The following CERS3 variants were observed in gnomAD, a reference collection of about 807,000 sequenced individuals.
CERS3 encodes the protein ceramide synthase 3.
A neutral mutation model predicts 50.3 loss-of-function variants in CERS3; 33 were observed. The observed-to-expected ratio is 0.66, with a 90% CI of 0.50 to 0.88. CERS3 has a LOEUF of 0.88. Ranked by LOEUF, CERS3 falls within the 40% of genes least tolerant of loss-of-function variation. CERS3 has a pLI of 0.00. For synonymous variants in CERS3, 176 were observed against 155.2 expected (o/e 1.13, Z -0.99); for missense variants, 470 against 460.3 (o/e 1.02, Z -0.19).
chr15:100,460,309 A>G (rs953273604), intron 10 of CERS3, among the ~76,000 whole-genome samples: 1 of 152,194 alleles, frequency 6.6e-6, no homozygotes, highest in African/African-American at 2.4e-5. Flanking sequence ...TTATTCAATA[A>G]ACCATTACTG....
rs954377904 is a variant in CERS3, at chr15:100,402,221, C to A, written c.*492G>T. 6.5e-6 allele frequency: 1 copy of A among 154,410 alleles called. No individual in the cohort carries two copies. Among genetic ancestry groups the A allele is most frequent in the Non-Finnish European group, 1.4e-5 (1 of 69,606 alleles). The allele number at this position is 154,410 out of a possible 1,614,324, so 9.6% of individuals were successfully genotyped here. A position where few individuals can be genotyped will look rare whatever the true frequency, so the allele number is the denominator to read the frequency against. On this transcript the variant is annotated 3_prime_UTR_variant, in exon 12 of 12. Coordinates refer to ENST00000679737, the MANE Select transcript of CERS3 (RefSeq NM_001378789.1). ...GCCACCGCCCTGTGGAGATGAGGCA[C>A]CTAAGCTTCAGGATGGAAGTGTCTC...
intron 11 of CERS3, among the ~76,000 whole-genome samples, chr15:100,417,280 G>A (rs1456740622): frequency 1.3e-5 from 2 of 151,868 alleles, no homozygotes; most frequent in African/African-American, 2.4e-5. Context: ...GAAGAGCAAG[G>A]GGTCGGGGAG....
At chr15:100,410,385 TCA>T (rs1191128729) in intron 11 of CERS3, among the ~76,000 whole-genome samples, 2 of 152,132 alleles carry the variant, frequency 1.3e-5, no homozygotes, top group Non-Finnish European at 2.9e-5. Flanking sequence ...GTGGTTGAAA[TCA>T]CAGTCACTAC....
At chr15:100,427,709 C>T (rs948632721) in intron 11 of CERS3, among the ~76,000 whole-genome samples, 7 of 152,222 alleles carry the variant, frequency 4.6e-5, no homozygotes, top group Non-Finnish European at 7.4e-5. Context: ...ACTACAAAGC[C>T]GAATGAAATT....
chr15:100,477,665 A>AT (rs1217511585), intron 7 of CERS3, among the ~76,000 whole-genome samples: 2 of 152,232 alleles, frequency 1.3e-5, no homozygotes, highest in Non-Finnish European at 2.9e-5. Flanking sequence ...AATTCTGCAT[A>AT]TGCCAGTTTA....
chr15:100,403,501 A>T (rs1596593420), intron 11 of CERS3, among the ~76,000 whole-genome samples: 1 of 152,306 alleles, frequency 6.6e-6, no homozygotes, highest in East Asian at 1.9e-4. Flanking sequence ...ATAACTCACT[A>T]GCAAGACTGA....
chr15:100,478,442 G>A (rs998483853), intron 7 of CERS3, among the ~76,000 whole-genome samples: 9 of 151,630 alleles, frequency 5.9e-5, no homozygotes, highest in Non-Finnish European at 7.4e-5. Context: ...ATGACTCACA[G>A]TAATAGCAGT....
chr15:100,416,260 C>T (rs1319032456), intron 11 of CERS3, among the ~76,000 whole-genome samples: 1 of 152,144 alleles, frequency 6.6e-6, no homozygotes, highest in African/African-American at 2.4e-5. Flanking sequence ...AGAACCCAAA[C>T]AGAATGGTAC....
intron 11 of CERS3, among the ~76,000 whole-genome samples, chr15:100,438,105 T>C (rs2654599): frequency 0.92 from 134,936 of 146,578 alleles, 62,713 homozygotes; most frequent in East Asian, 0.99. Context: ...AGTGCAGTGG[T>C]GTGATCTTGG....
chr15:100,480,060 GA>G lies in CERS3; in HGVS notation c.408-15del, dbSNP rs1326814619. The G allele has an allele frequency of 8.1e-6, 13 of 1,601,834 alleles. No homozygotes were observed. The South Asian group carries it at 1.3e-4, about 17-fold the overall frequency. On this transcript the variant is annotated splice_polypyrimidine_tract_variant and intron_variant, in intron 5 of 11. Coordinates refer to ENST00000679737, the MANE Select transcript of CERS3 (RefSeq NM_001378789.1). The stretch of plus-strand genomic sequence containing the variant: ...GCAAATCTCCAGCTGCCAAAAGAAA[GA>G]AAAATCTTTACTCCCTTGTAAAGGT...
chr15:100,425,046 G>C (rs369538391), intron 11 of CERS3, among the ~76,000 whole-genome samples: 2 of 152,166 alleles, frequency 1.3e-5, no homozygotes, highest in African/African-American at 2.4e-5. Flanking sequence ...GTGCACAGAG[G>C]GCAAGAGTGA....
chr15:100,505,148 A>T (rs1441212744), intron 2 of CERS3, among the ~76,000 whole-genome samples: 2 of 152,200 alleles, frequency 1.3e-5, no homozygotes, highest in African/African-American at 4.8e-5. Flanking sequence ...TCCAAATTTA[A>T]TAGATAAGGA....
At chr15:100,453,843 G>A (rs1428505716) in intron 11 of CERS3, among the ~76,000 whole-genome samples, 1 of 152,026 alleles carries the variant, frequency 6.6e-6, no homozygotes, top group African/African-American at 2.4e-5. Context: ...GTCTATATAT[G>A]AACGACACAC....
chr15:100,466,218 C>G (rs2034710337), intron 10 of CERS3, among the ~76,000 whole-genome samples: 1 of 152,116 alleles, frequency 6.6e-6, no homozygotes, highest in South Asian at 2.1e-4. Flanking sequence ...AATCACTGAG[C>G]ACCACTGTGT....
intron 10 of CERS3, among the ~76,000 whole-genome samples, chr15:100,461,384 G>T (rs141922631): frequency 1.2e-3 from 183 of 152,246 alleles, no homozygotes; most frequent in African/African-American, 4.3e-3. Context: ...GAGCCTCTGG[G>T]CAGAGAGGAG....
intron 3 of CERS3, among the ~76,000 whole-genome samples, chr15:100,497,049 GAAGA>G (rs1225642105): frequency 6.6e-6 from 1 of 152,064 alleles, no homozygotes; most frequent in Non-Finnish European, 1.5e-5. Flanking sequence ...TTTTAAAAAA[GAAGA>G]AAGAAAAGGT....
At chr15:100,457,910 A>C (rs980848519) in intron 10 of CERS3, among the ~76,000 whole-genome samples, 1 of 152,204 alleles carries the variant, frequency 6.6e-6, no homozygotes, top group East Asian at 1.9e-4. Flanking sequence ...TAAATCAAAG[A>C]CATTTTATGC....
intron 2 of CERS3, among the ~76,000 whole-genome samples, chr15:100,516,407 C>G (rs2036490066): frequency 6.6e-6 from 1 of 152,132 alleles, no homozygotes; most frequent in African/African-American, 2.4e-5. Flanking sequence ...ATCTCTGAAT[C>G]TTTGTTTACT....
At chr15:100,502,593 G>C (rs1005551266) in intron 2 of CERS3, among the ~76,000 whole-genome samples, 12 of 152,298 alleles carry the variant, frequency 7.9e-5, no homozygotes, top group African/African-American at 2.9e-4. Context: ...AATTCCCCAG[G>C]AAATAAGGGG....
Sources: gnomAD v4.1 joint callset for allele counts (sites outside exome capture counted in the v4.1 genomes callset) on GRCh38, gnomAD v4.1.1 for gene constraint, MANE v1.5 for transcripts, NCBI Gene and HGNC (gene_info 2026-07-23, HGNC 2026-07-21) for gene names.